PPP6C: variants seen among roughly 807,000 people sequenced by gnomAD.
The protein encoded by PPP6C is serine/threonine-protein phosphatase 6 catalytic subunit.
Under a neutral mutation model 39.8 loss-of-function variants are expected in PPP6C, and 11 were observed. The ratio of observed to expected loss-of-function variants is 0.28; its 90% confidence interval spans 0.17 to 0.46. The LOEUF (loss-of-function observed/expected upper bound fraction) is 0.46. Among genes scored for constraint, PPP6C ranks in the 20% least tolerant of loss-of-function variants. PPP6C has a pLI of 1.00. For synonymous variants in PPP6C, 129 were observed against 130.3 expected (o/e 0.99, Z 0.07); for missense variants, 211 against 373.9 (o/e 0.56, Z 3.59).
At chr9:125,156,161 GATAA>G (rs1352121238) in intron 4 of PPP6C, among the ~76,000 whole-genome samples, 3 of 152,076 alleles carry the variant, frequency 2.0e-5, no homozygotes, top group Admixed American at 1.3e-4. Context: ...GTAGAAAGGA[GATAA>G]ATATTACCTA....
chr9:125,162,775 CAAA>C (rs143453437), intron 2 of PPP6C, among the ~76,000 whole-genome samples: 3 of 112,808 alleles, frequency 2.7e-5, no homozygotes, highest in Admixed American at 9.4e-5. Context: ...GACTCCGTCT[CAAA>C]AAAAAAAAAA....
At chr9:125,172,227 T>TC (rs1176956748) in intron 1 of PPP6C, among the ~76,000 whole-genome samples, 2 of 151,070 alleles carry the variant, frequency 1.3e-5, no homozygotes, top group African/African-American at 4.9e-5. Flanking sequence ...TTTTTTTCCC[T>TC]TTTTTTTTGA....
chr9:125,149,418 A>T lies in PPP6C; in HGVS notation c.*255T>A. On this transcript the variant is annotated 3_prime_UTR_variant, in exon 7 of 7. Transcript: ENST00000373547. ...AGCAAGAGCTACATGCAGCAGTGTG[A>T]GTATTAAGACATTTCTCAAGTCTTC... 2.7e-6 allele frequency: 1 copy of T among 371,436 alleles called. No homozygotes were observed. Among genetic ancestry groups the T allele is most frequent in the Non-Finnish European group, 4.8e-6 (1 of 207,666 alleles). 23.0% of individuals were successfully genotyped at this position (371,436 alleles called of 1,614,324 possible). A position where few individuals can be genotyped will look rare whatever the true frequency, so the allele number is the denominator to read the frequency against.
rs950736738 is a variant in PPP6C at position 125,147,997 on chromosome 9, T to C, written c.*1676A>G. The C allele has an allele frequency of 1.6e-5, 3 of 186,194 alleles. No homozygotes were observed. The highest frequency in any genetic ancestry group is 2.4e-5 in the African/African-American group (1 of 41,568). The allele number at this position is 186,194 out of a possible 1,614,324, so 11.5% of individuals were successfully genotyped here. Reference sequence around the variant, plus strand: ...TACTGACCCAACATTAGTTCAAGTGTGTGCAGCAAATGTCTTAGCCACCTC... The same window carrying C: ...TACTGACCCAACATTAGTTCAAGTGCGTGCAGCAAATGTCTTAGCCACCTC... On this transcript the variant is annotated 3_prime_UTR_variant, in exon 7 of 7. Transcript: ENST00000373547.
At chr9:125,185,689 G>A (rs1273937025) in intron 1 of PPP6C, among the ~76,000 whole-genome samples, 4 of 147,642 alleles carry the variant, frequency 2.7e-5, no homozygotes, top group African/African-American at 1.0e-4. Context: ...GCAAGACTCC[G>A]TCTCAAAAAA....
intron 4 of PPP6C, among the ~76,000 whole-genome samples, chr9:125,157,383 C>T (rs1308997859): frequency 6.6e-6 from 1 of 152,082 alleles, no homozygotes; most frequent in Non-Finnish European, 1.5e-5. Flanking sequence ...ATAACAGCAG[C>T]TTAAAAACAA....
intron 6 of PPP6C, chr9:125,151,419 A>G (rs1195296816): frequency 4.6e-6 from 4 of 870,044 alleles, no homozygotes; most frequent in Non-Finnish European, 4.0e-6. Context: ...TCTCACATCA[A>G]CAACGCATGC....
chr9:125,166,343 G>A (rs775665912), intron 2 of PPP6C, among the ~76,000 whole-genome samples: 6 of 151,804 alleles, frequency 4.0e-5, no homozygotes, highest in African/African-American at 7.3e-5. Flanking sequence ...TTTTGTCATC[G>A]GCAACAAATA....
intron 1 of PPP6C, among the ~76,000 whole-genome samples, chr9:125,178,283 T>C (rs1219417370): frequency 6.6e-6 from 1 of 152,192 alleles, no homozygotes; most frequent in Non-Finnish European, 1.5e-5. Context: ...GAATGAGAGT[T>C]CCTGTTGCTC....
rs1202620904 is a variant in PPP6C, at chr9:125,148,301, T to C, written c.*1372A>G. 6 of 152,126 alleles carry C rather than the reference T, an allele frequency of 3.9e-5. No homozygotes were observed. The highest frequency in any genetic ancestry group is 1.4e-4 in the African/African-American group (6 of 41,424). 9.4% of individuals were successfully genotyped at this position (152,126 alleles called of 1,614,324 possible). A position where few individuals can be genotyped will look rare whatever the true frequency, so the allele number is the denominator to read the frequency against. On this transcript the variant is annotated 3_prime_UTR_variant, in exon 7 of 7. Coordinates refer to ENST00000373547, the MANE Select transcript of PPP6C (RefSeq NM_002721.5). ...CAAGTATTTCCTGGAATAACAAAAA[T>C]TAATCATAGTAAAGGGATACCAACT...
intron 6 of PPP6C, 92 bp from the exon 7 acceptor site, chr9:125,150,013 C>T: frequency 7.0e-7 from 1 of 1,422,366 alleles, no homozygotes; most frequent in Non-Finnish European, 9.4e-7. Flanking sequence ...CCTATTACTA[C>T]TAAAGGCATC....
At chr9:125,187,662 C>T (rs1031284055) in intron 1 of PPP6C, among the ~76,000 whole-genome samples, 1 of 151,822 alleles carries the variant, frequency 6.6e-6, no homozygotes, top group Non-Finnish European at 1.5e-5. Context: ...AGAAAAAATT[C>T]CATGTCAATT....
chr9:125,189,196 C>G (rs1829605112), intron 1 of PPP6C, among the ~76,000 whole-genome samples: 1 of 152,228 alleles, frequency 6.6e-6, no homozygotes, highest in Non-Finnish European at 1.5e-5. Flanking sequence ...ACACTGAGGC[C>G]GCGTTCCGGT....
chr9:125,149,553 A>G lies in PPP6C; in HGVS notation c.*120T>C. 1 of 1,131,724 alleles carries G rather than the reference A, an allele frequency of 8.8e-7. No homozygotes were observed. The highest frequency in any genetic ancestry group is 1.9e-5 in the South Asian group (1 of 52,156). The allele number at this position is 1,131,724 out of a possible 1,614,324, so 70.1% of individuals were successfully genotyped here. On this transcript the variant is annotated 3_prime_UTR_variant, in exon 7 of 7. Coordinates refer to ENST00000373547, the MANE Select transcript of PPP6C (RefSeq NM_002721.5). ...GATAATTTAAAATTTAAAAAAAAAA[A>G]GGCAAGAGGCAGCATTTCAGCAGCA... is the stretch of plus-strand genomic sequence containing the variant.
At chr9:125,171,214 C>T (rs1039961588) in intron 1 of PPP6C, 34 bp from the exon 2 acceptor site, 5 of 1,445,814 alleles carry the variant, frequency 3.5e-6, no homozygotes, top group African/African-American at 1.4e-5. Context: ...TAAACATTTA[C>T]TACAACATTA....
Position 125,169,271 on chromosome 9 carries a change from AACTG to A in PPP6C, c.171+1810_171+1813del, listed in dbSNP as rs748312387. On this transcript the variant is annotated intron_variant, in intron 2 of 6. Transcript: ENST00000373547. ...CCTATCTCACAGGACTTTGGGAAAAAACTGACACAGAATATGTGAAAAAGTACTT... is the reference window on the plus strand; with the variant it reads ...CCTATCTCACAGGACTTTGGGAAAAAACACAGAATATGTGAAAAAGTACTT... 7.9e-5 allele frequency among the ~76,000 whole-genome samples: 12 copies of A among 152,224 alleles called. No individual in the cohort carries two copies. In the South Asian group the frequency reaches 1.0e-3, roughly 13 times the overall value.
intron 1 of PPP6C, among the ~76,000 whole-genome samples, chr9:125,173,404 C>CA (rs1157793278): frequency 0.014 from 707 of 50,540 alleles, 4 homozygotes; most frequent in East Asian, 0.025. Context: ...GACTCCCTCT[C>CA]AAAAAAAAAA....
chr9:125,167,379 CAAAAAAAAAAA>C (rs758123351), intron 2 of PPP6C, among the ~76,000 whole-genome samples: 6 of 56,086 alleles, frequency 1.1e-4, no homozygotes, highest in African/African-American at 3.1e-4. Flanking sequence ...AGACCCTGTC[CAAAAAAAAAAA>C]AAAAAAAAAG....
intron 1 of PPP6C, among the ~76,000 whole-genome samples, chr9:125,186,283 A>G (rs1309324747): frequency 6.6e-6 from 1 of 151,976 alleles, no homozygotes; most frequent in Non-Finnish European, 1.5e-5. Flanking sequence ...ACTTCATGCC[A>G]AGAAACAGAA....
Sources: allele counts gnomAD v4.1 joint callset (sites outside exome capture counted in the v4.1 genomes callset), GRCh38; gene constraint gnomAD v4.1.1; transcripts MANE v1.5; gene names NCBI Gene and HGNC (gene_info 2026-07-23, HGNC 2026-07-21).